The following RBM20 variants were observed in gnomAD, a reference collection of about 807,000 sequenced individuals.
RBM20 encodes RNA binding motif protein 20, also known as RNA-binding protein 20.
In RBM20, 51 loss-of-function variants were observed where a neutral mutation model predicts 110.1. That is an observed-to-expected ratio of 0.46 (90% CI 0.37 to 0.59). The LOEUF is 0.59. Ranked by LOEUF, RBM20 falls within the 20% of genes least tolerant of loss-of-function variation. The probability of loss-of-function intolerance (pLI) is 0.00; values close to 1 mark genes in which losing one functional copy is unlikely to be tolerated. For missense variants in RBM20, 1,512 were observed against 1,574.9 expected (o/e 0.96, Z 0.68); for synonymous variants, 589 against 618.2 (o/e 0.95, Z 0.70).
At position 110,810,478 on chromosome 10, in the gene RBM20, C is replaced by T. The variant is rs1249605174; in HGVS notation, c.1880+16C>T. ...AAGCAGACAGGTGAGGCCCCAAGCC[C>T]CAAGTCTCCAGGCAGGTTCTGGGCA... On this transcript the variant is annotated intron_variant, in intron 8 of 13. Transcript: ENST00000369519. The T allele has an allele frequency of 7.1e-6, 11 of 1,543,378 alleles. No homozygotes were observed. Among genetic ancestry groups the T allele is most frequent in the Non-Finnish European group, 9.7e-6 (11 of 1,139,622 alleles).
At chr10:110,831,773 GACCAGGGATACTGGAACAACA>G (rs1845059674) in intron 13 of RBM20, among the ~76,000 whole-genome samples, 1 of 151,458 alleles carries the variant, frequency 6.6e-6, no homozygotes, top group African/African-American at 2.4e-5. Context: ...CTATTCTAGG[GACCAGGGATACTGGAACAACA>G]ACAGTAAAGT....
At chr10:110,666,506 T>G (rs1196997473) in intron 1 of RBM20, among the ~76,000 whole-genome samples, 1 of 152,136 alleles carries the variant, frequency 6.6e-6, no homozygotes, top group Non-Finnish European at 1.5e-5. Context: ...ATTAGCTGGC[T>G]GTGGTGGTAC....
At position 110,821,086 on chromosome 10, in the gene RBM20, C is replaced by T. The variant is rs113738936; in HGVS notation, c.2656-189C>T. 0.011 allele frequency among the ~76,000 whole-genome samples: 1,727 copies of T among 152,258 alleles called. 42 individuals are homozygous for T. Among genetic ancestry groups the T allele is most frequent in the African/African-American group, 0.039 (1,622 of 41,530 alleles). On this transcript the variant is annotated intron_variant, in intron 10 of 13. Transcript: ENST00000369519. ...TGGATTAAGCATTAAGGGCCTATTC[C>T]AAACTTTGAGCATCACCCTAAAGAT...
At chr10:110,816,250 C>T (rs1844836924) in intron 9 of RBM20, among the ~76,000 whole-genome samples, 1 of 152,082 alleles carries the variant, frequency 6.6e-6, no homozygotes, top group South Asian at 2.1e-4. Context: ...TTTCAACACC[C>T]CAACCTGCTC....
In RBM20 at chr10:110,837,432, C is replaced by T. The variant is rs1000159913; in HGVS notation, c.*1454C>T. On this transcript the variant is annotated 3_prime_UTR_variant, in exon 14 of 14. Coordinates refer to ENST00000369519, the MANE Select transcript of RBM20 (RefSeq NM_001134363.3). ...TGTTTTCATGAGCAGAGATACTCTCCTGAAAGCACCCTTCATAGCTTAGCC... is the reference window on the plus strand; with the variant it reads ...TGTTTTCATGAGCAGAGATACTCTCTTGAAAGCACCCTTCATAGCTTAGCC... 1 of 152,200 alleles carries T rather than the reference C, an allele frequency of 6.6e-6. No homozygotes were observed. Among genetic ancestry groups the T allele is most frequent in the Non-Finnish European group, 1.5e-5 (1 of 68,076 alleles). The allele number at this position is 152,200 out of a possible 1,614,324, so 9.4% of individuals were successfully genotyped here.
rs78070738 is a variant in RBM20, at chr10:110,730,157, A to G, written c.192-50644A>G. 6.8e-3 allele frequency among the ~76,000 whole-genome samples: 1,032 copies of G among 152,302 alleles called. 77 individuals carry two copies. In the East Asian group the frequency reaches 0.17, roughly 26 times the overall value. ...GACTAGTCCCAAGCACCAGGTGCTCATCTGCCTTGTTAGCTCTGCATGCTT... is the reference window on the plus strand; with the variant it reads ...GACTAGTCCCAAGCACCAGGTGCTCGTCTGCCTTGTTAGCTCTGCATGCTT... On this transcript the variant is annotated intron_variant, in intron 1 of 13. Transcript: ENST00000369519.
chr10:110,823,752 C>CT (rs1564665482), intron 12 of RBM20, 138 bp downstream of exon 12: 1 of 912,426 alleles, frequency 1.1e-6, no homozygotes, highest in Non-Finnish European at 1.7e-6. Flanking sequence ...AGGTCTCACT[C>CT]TGTCACCCAG....
intron 1 of RBM20, among the ~76,000 whole-genome samples, chr10:110,717,934 T>C (rs1843453749): frequency 6.6e-6 from 1 of 152,230 alleles, no homozygotes; most frequent in African/African-American, 2.4e-5. Context: ...GACTAGTGCA[T>C]GGAGAGAAAC....
At chr10:110,648,716 G>A (rs199661916) in intron 1 of RBM20, among the ~76,000 whole-genome samples, 1 of 61,120 alleles carries the variant, frequency 1.6e-5, no homozygotes, top group African/African-American at 7.0e-5. Context: ...GGAAGAAAAG[G>A]GGGGGGTGCT....
chr10:110,825,407 T>C (rs1844970205), intron 12 of RBM20, among the ~76,000 whole-genome samples: 1 of 152,208 alleles, frequency 6.6e-6, no homozygotes, highest in Non-Finnish European at 1.5e-5. Flanking sequence ...ATAGAAAGTG[T>C]GAAAGATTAT....
At chr10:110,744,136 C>T (rs1843751533) in intron 1 of RBM20, among the ~76,000 whole-genome samples, 1 of 152,178 alleles carries the variant, frequency 6.6e-6, no homozygotes, top group Non-Finnish European at 1.5e-5. Flanking sequence ...AACTCCTTCA[C>T]CTCTCAGTGC....
rs1845044801 is a variant in RBM20, at chr10:110,831,058, CA to C, written c.3452-2del. 1 of 1,549,268 alleles carries C rather than the reference CA, an allele frequency of 6.5e-7. No individual in the cohort carries two copies. The highest frequency in any genetic ancestry group is 1.4e-5 in the African/African-American group (1 of 73,122). ...TGCGTGTCTATCCCCCATCCTTTCC[CA>C]GGGGTGGAGTTCGTGGTTCCCAGGA... On this transcript the variant is annotated splice_acceptor_variant, in intron 12 of 13. Coordinates refer to ENST00000369519, the MANE Select transcript of RBM20 (RefSeq NM_001134363.3). LOFTEE classifies it high-confidence loss of function.
At chr10:110,792,381 A>G (rs1388923233) in intron 5 of RBM20, among the ~76,000 whole-genome samples, 1 of 152,190 alleles carries the variant, frequency 6.6e-6, no homozygotes, top group African/African-American at 2.4e-5. Flanking sequence ...TGTTGGGTGG[A>G]GGAAGGAGAT....
Position 110,644,481 on chromosome 10 carries a change from G to A in RBM20, c.27G>A (p.Gln9=). 6.6e-7 allele frequency: 1 copy of A among 1,520,514 alleles called. No individual in the cohort carries two copies. The allele number at this position is 1,520,514 out of a possible 1,614,324, so 94.2% of individuals were successfully genotyped here. Residue 9 remains glutamine, a synonymous_variant, in exon 1 of 14, where the codon CAG becomes CAA. Transcript: ENST00000369519. This position sits in a 1 kb window ranked among gnomAD's most constrained non-coding sequence, Gnocchi z 4.3. ...TGGTGCTGGCAGCAGCCATGAGCCA[G>A]GACGCGGACCCCAGCGGTCCGGAGC... is the stretch of plus-strand genomic sequence containing the variant. MVLAAAMS[Q]DADPSGPEQP...
chr10:110,665,122 C>T (rs1221287192), intron 1 of RBM20, among the ~76,000 whole-genome samples: 4 of 152,146 alleles, frequency 2.6e-5, no homozygotes, highest in African/African-American at 4.8e-5. Flanking sequence ...GTGATCTTCC[C>T]GCCTCAGCCT....
At chr10:110,736,061 G>T (rs1843667540) in intron 1 of RBM20, among the ~76,000 whole-genome samples, 1 of 152,160 alleles carries the variant, frequency 6.6e-6, no homozygotes, top group African/African-American at 2.4e-5. Context: ...AAGTGCATTT[G>T]CCCAGAACAT....
At chr10:110,778,973 T>C (rs1844302650) in intron 1 of RBM20, among the ~76,000 whole-genome samples, 1 of 152,238 alleles carries the variant, frequency 6.6e-6, no homozygotes. Context: ...ATTCAGATTT[T>C]TTTACTTGTA....
intron 7 of RBM20, among the ~76,000 whole-genome samples, chr10:110,809,043 T>A (rs1239202410): frequency 6.6e-6 from 1 of 151,722 alleles, no homozygotes; most frequent in East Asian, 1.9e-4. Context: ...AGCGAGACCT[T>A]GTCTTTTATA....
intron 1 of RBM20, among the ~76,000 whole-genome samples, chr10:110,676,411 CAG>C (rs1349179887): frequency 6.6e-6 from 1 of 152,134 alleles, no homozygotes; most frequent in African/African-American, 2.4e-5. Flanking sequence ...ATAACCAAGG[CAG>C]AGACGTTTAG....
Sources: gnomAD v4.1 joint callset for allele counts (sites outside exome capture counted in the v4.1 genomes callset) on GRCh38, gnomAD v4.1.1 for gene constraint, Gnocchi (gnomAD v3.1) non-coding constraint, MANE v1.5 for transcripts, NCBI Gene and HGNC (gene_info 2026-07-23, HGNC 2026-07-21) for gene names.